FRMD5: variants seen among roughly 807,000 people sequenced by gnomAD.
The protein encoded by FRMD5 is FERM domain containing 5.
Under a neutral mutation model 69.0 loss-of-function variants are expected in FRMD5, and 20 were observed. The ratio of observed to expected loss-of-function variants is 0.29; its 90% CI spans 0.20 to 0.42. FRMD5 has a LOEUF of 0.42. Among genes scored for constraint, FRMD5 ranks in the 10% least tolerant of loss-of-function variants. The pLI, the probability that FRMD5 is intolerant of heterozygous loss-of-function variation, is 1.00. For synonymous variants in FRMD5, 271 were observed against 260.1 expected, an observed-to-expected ratio of 1.04 and a Z score of -0.40; for missense variants, 595 against 708.6, an observed-to-expected ratio of 0.84 and a Z score of 1.82.
In FRMD5 at chr15:43,905,862, TTTCCAGC is replaced by T; in HGVS notation, c.510_516del (p.Leu171GlyfsTer11). The stretch of plus-strand genomic sequence containing the variant: ...GTCTTGTGAATCTCAGCAATTTTCC[TTTCCAGC>T]TTCTCTGAATGTTTAGGGAAAAACT... On this transcript the variant is annotated frameshift_variant, in exon 6 of 14. Transcript: ENST00000417257. LOFTEE classifies it high-confidence loss of function. The T allele has an allele frequency of 1.9e-6, 3 of 1,614,248 alleles. No homozygotes were observed. The highest frequency in any genetic ancestry group is 2.5e-6 in the Non-Finnish European group (3 of 1,180,028).
chr15:44,025,787 CTT>C (rs1478731076), intron 1 of FRMD5, among the ~76,000 whole-genome samples: 1 of 152,228 alleles, frequency 6.6e-6, no homozygotes, highest in African/African-American at 2.4e-5. Context: ...GCCTACCACT[CTT>C]GAGAGCCAGG....
intron 1 of FRMD5, among the ~76,000 whole-genome samples, chr15:44,159,878 C>T (rs1185750409): frequency 1.3e-5 from 2 of 152,184 alleles, no homozygotes; most frequent in Non-Finnish European, 2.9e-5. Context: ...ATCACCCAGA[C>T]AATCAGGGGC....
At chr15:44,172,343 G>T (rs2077820201) in intron 1 of FRMD5, among the ~76,000 whole-genome samples, 1 of 150,082 alleles carries the variant, frequency 6.7e-6, no homozygotes, top group Non-Finnish European at 1.5e-5. Context: ...CAAACTCCTG[G>T]ACTCAAGCCA....
At chr15:44,111,301 T>C (rs2076792293) in intron 1 of FRMD5, among the ~76,000 whole-genome samples, 1 of 152,236 alleles carries the variant, frequency 6.6e-6, no homozygotes, top group Non-Finnish European at 1.5e-5. Context: ...CTCACTCATA[T>C]ATTTCACTGA....
intron 1 of FRMD5, among the ~76,000 whole-genome samples, chr15:44,003,395 C>T (rs186352623): frequency 6.6e-6 from 1 of 152,288 alleles, no homozygotes; most frequent in East Asian, 1.9e-4. Flanking sequence ...AATCACTCCT[C>T]TTAACATTCC....
At chr15:44,063,849 C>T (rs939919212) in intron 1 of FRMD5, 72 of 275,872 alleles carry the variant, frequency 2.6e-4, no homozygotes, top group African/African-American at 3.0e-4. Context: ...CTCATTTAGA[C>T]GGGGGAACCA....
Position 44,004,352 on chromosome 15 carries a change from ATGTTTT to A in FRMD5, c.103-80049_103-80044del, listed in dbSNP as rs145386298. Among the ~76,000 whole-genome samples, 501 of 152,168 alleles carry A rather than the reference ATGTTTT, an allele frequency of 3.3e-3. 2 individuals carry two copies. Among genetic ancestry groups the A allele is most frequent in the African/African-American group, 9.2e-3 (380 of 41,524 alleles). Reference sequence around the variant, plus strand: ...CACTTTATTGTGACTCACAGATACTATGTTTTTGTTTTTGTTTTTGTTTTAATAAAT... The same window carrying A: ...CACTTTATTGTGACTCACAGATACTATGTTTTTGTTTTTGTTTTAATAAAT... On this transcript the variant is annotated intron_variant, in intron 1 of 13. Coordinates refer to ENST00000417257, the MANE Select transcript of FRMD5 (RefSeq NM_032892.5).
intron 1 of FRMD5, among the ~76,000 whole-genome samples, chr15:44,026,931 T>C (rs556574749): frequency 5.0e-4 from 76 of 152,210 alleles, no homozygotes; most frequent in Non-Finnish European, 9.4e-4. Flanking sequence ...CGTAAGTAAA[T>C]AAACAGGTGT....
intron 1 of FRMD5, among the ~76,000 whole-genome samples, chr15:43,967,334 G>A (rs2090310951): frequency 6.6e-6 from 1 of 151,896 alleles, no homozygotes; most frequent in African/African-American, 2.4e-5. Flanking sequence ...CCGGGTTCAA[G>A]CAATACTTCT....
chr15:44,051,273 TC>T (rs1157524063), intron 1 of FRMD5, among the ~76,000 whole-genome samples: 2 of 144,204 alleles, frequency 1.4e-5, no homozygotes, highest in African/African-American at 5.1e-5. Context: ...TGCCTCAGCC[TC>T]CCAAGTAGCT....
chr15:43,991,455 ACTGCTGCTG>A (rs981451861), intron 1 of FRMD5, among the ~76,000 whole-genome samples: 4 of 152,180 alleles, frequency 2.6e-5, no homozygotes, highest in Admixed American at 1.3e-4. Context: ...TGCTGCTGCT[ACTGCTGCTG>A]CTGCATTCTG....
intron 1 of FRMD5, among the ~76,000 whole-genome samples, chr15:44,136,300 A>C (rs2077184603): frequency 6.6e-6 from 1 of 152,186 alleles, no homozygotes; most frequent in Non-Finnish European, 1.5e-5. Context: ...CTGAGATTAC[A>C]GGCGTGAGCC....
intron 1 of FRMD5, among the ~76,000 whole-genome samples, chr15:44,133,972 A>G (rs2077143774): frequency 1.3e-5 from 2 of 152,192 alleles, no homozygotes; most frequent in Non-Finnish European, 2.9e-5. Context: ...AAACTAAAAG[A>G]AAAGGAATAA....
intron 1 of FRMD5, among the ~76,000 whole-genome samples, chr15:44,141,545 T>C (rs1264098909): frequency 1.3e-5 from 2 of 152,054 alleles, no homozygotes; most frequent in South Asian, 2.1e-4. Context: ...CAAAATAAAA[T>C]TGATGGAAGA....
chr15:44,140,876 G>GT (rs2077262389), intron 1 of FRMD5, among the ~76,000 whole-genome samples: 1 of 32,844 alleles, frequency 3.0e-5, no homozygotes, highest in South Asian at 1.1e-3. Flanking sequence ...GAGTGAGACT[G>GT]TCTCAAAAAA....
At chr15:44,109,096 T>C (rs539347874) in intron 1 of FRMD5, among the ~76,000 whole-genome samples, 16 of 152,300 alleles carry the variant, frequency 1.1e-4, no homozygotes, top group African/African-American at 2.9e-4. Flanking sequence ...AATAAAATGT[T>C]AGATACTATT....
At chr15:43,985,538 G>T (rs1269831846) in intron 1 of FRMD5, among the ~76,000 whole-genome samples, 1 of 152,110 alleles carries the variant, frequency 6.6e-6, no homozygotes, top group African/African-American at 2.4e-5. Context: ...CTATAATATG[G>T]AGAACATTTA....
intron 6 of FRMD5, among the ~76,000 whole-genome samples, 185 bp downstream of exon 6, chr15:43,905,643 G>T (rs2089152779): frequency 6.6e-6 from 1 of 152,116 alleles, no homozygotes; most frequent in Non-Finnish European, 1.5e-5. Context: ...GAGCCTACAG[G>T]GCTTGTGGCT....
chr15:43,919,565 G>T (rs778055538), intron 3 of FRMD5, 28 bp from the exon 4 acceptor site: 2 of 1,608,322 alleles, frequency 1.2e-6, no homozygotes, highest in Non-Finnish European at 1.7e-6. Context: ...TGCTCATCAG[G>T]GAAGACTCTC....
Sources: allele counts gnomAD v4.1 joint callset (sites outside exome capture counted in the v4.1 genomes callset), GRCh38; gene constraint gnomAD v4.1.1; transcripts MANE v1.5; gene names NCBI Gene and HGNC (gene_info 2026-07-23, HGNC 2026-07-21).